FTO: variants seen among roughly 807,000 people sequenced by gnomAD.
The protein encoded by FTO is FTO alpha-ketoglutarate dependent dioxygenase.
Under a neutral mutation model 63.9 loss-of-function variants are expected in FTO, and 47 were observed. The ratio of observed to expected loss-of-function variants is 0.74; its 90% CI spans 0.58 to 0.94. The LOEUF (loss-of-function observed/expected upper bound fraction) is 0.94, where lower values mean the gene tolerates loss of function less well. FTO is among the 40% of genes least tolerant of loss of function. The pLI, the probability that FTO is intolerant of heterozygous loss-of-function variation, is 0.00. For missense variants in FTO, 562 were observed against 618.1 expected, an observed-to-expected ratio of 0.91 and a Z score of 0.96; for synonymous variants, 207 against 224.4, an observed-to-expected ratio of 0.92 and a Z score of 0.69.
intron 1 of FTO, 95 bp downstream of exon 1, chr16:53,704,324 G>A (rs970612963): frequency 2.4e-6 from 3 of 1,237,518 alleles, no homozygotes; most frequent in Non-Finnish European, 2.3e-6. Flanking sequence ...CGGATGCGCG[G>A]TGTTAAACTA....
rs1567332084 is a variant in FTO, at chr16:53,825,913, C to A, written c.173C>A (p.Ser58Tyr). 1.2e-6 allele frequency: 2 copies of A among 1,614,156 alleles called. No individual in the cohort carries two copies. Among genetic ancestry groups the A allele is most frequent in the African/African-American group, 1.3e-5 (1 of 75,052 alleles). Reference sequence around the variant, plus strand: ...ATTCTCCGAGAAGCCAGCAGTGTATCTGAGGAGCTCCATAAAGAGGTTCAA... The same window carrying A: ...ATTCTCCGAGAAGCCAGCAGTGTATATGAGGAGCTCCATAAAGAGGTTCAA... ...KLILREASSV[S>Y]EELHKEVQEA... The change falls in exon 3 of 9, where the codon TCT (serine) becomes TAT (tyrosine). Residue 58 changes from serine to tyrosine, a missense_variant. Transcript: ENST00000471389.
chr16:54,028,327 CT>C (rs1345545501), intron 8 of FTO, among the ~76,000 whole-genome samples: 58 of 152,182 alleles, frequency 3.8e-4, no homozygotes, highest in Admixed American at 2.6e-4. Context: ...CTGTTTCTCA[CT>C]CTCCAGGATC....
At chr16:54,012,694 C>T (rs1161753184) in intron 8 of FTO, among the ~76,000 whole-genome samples, 3 of 152,138 alleles carry the variant, frequency 2.0e-5, no homozygotes, top group African/African-American at 7.2e-5. Flanking sequence ...TCTGAAAATC[C>T]TAGGGCACTT....
At chr16:53,871,089 A>T (rs1271242456) in intron 4 of FTO, among the ~76,000 whole-genome samples, 2 of 151,854 alleles carry the variant, frequency 1.3e-5, no homozygotes, top group Non-Finnish European at 1.5e-5. Context: ...TAACCTTTCC[A>T]CTTTATTACT....
intron 1 of FTO, among the ~76,000 whole-genome samples, chr16:53,795,326 A>G (rs1353852168): frequency 6.6e-6 from 1 of 152,204 alleles, no homozygotes; most frequent in Admixed American, 6.5e-5. Flanking sequence ...GGATAGATGG[A>G]GTTCCAACAT....
intron 4 of FTO, among the ~76,000 whole-genome samples, chr16:53,848,870 A>G (rs1474161989): frequency 6.6e-6 from 1 of 152,046 alleles, no homozygotes; most frequent in Non-Finnish European, 1.5e-5. Flanking sequence ...TCCTCCCTTA[A>G]TTTGTTATTG....
intron 1 of FTO, among the ~76,000 whole-genome samples, chr16:53,809,351 AAGATGAAT>A (rs2078459256): frequency 6.6e-6 from 1 of 152,238 alleles, no homozygotes; most frequent in South Asian, 2.1e-4. Flanking sequence ...AAATGTTTAC[AAGATGAAT>A]AACTCTTCCA....
At chr16:53,719,516 G>A (rs879090472) in intron 1 of FTO, among the ~76,000 whole-genome samples, 1 of 151,634 alleles carries the variant, frequency 6.6e-6, no homozygotes, top group African/African-American at 2.4e-5. Context: ...GGGTAGAATT[G>A]TGTATAGTTT....
intron 1 of FTO, among the ~76,000 whole-genome samples, chr16:53,765,792 G>A (rs1272748132): frequency 1.3e-5 from 2 of 152,094 alleles, no homozygotes; most frequent in Non-Finnish European, 2.9e-5. Context: ...GAGGTGGTCA[G>A]TGGCCAGAAC....
intron 1 of FTO, among the ~76,000 whole-genome samples, chr16:53,800,006 A>G (rs2078176544): frequency 6.6e-6 from 1 of 150,590 alleles, no homozygotes. Flanking sequence ...TTTCTATTTC[A>G]TTGATTTCTG....
intron 1 of FTO, among the ~76,000 whole-genome samples, chr16:53,759,683 G>A (rs1370089639): frequency 1.4e-5 from 1 of 69,652 alleles, no homozygotes; most frequent in Non-Finnish European, 2.5e-5. Context: ...GACCGAAAAA[G>A]ACTCCTTCTC....
chr16:53,721,923 G>A (rs539747145), intron 1 of FTO, among the ~76,000 whole-genome samples: 1 of 152,172 alleles, frequency 6.6e-6, no homozygotes, highest in South Asian at 2.1e-4. Flanking sequence ...TGCTTTTAAA[G>A]ATTACTGGGA....
chr16:54,054,938 C>T (rs2085396656), intron 8 of FTO, among the ~76,000 whole-genome samples: 1 of 152,184 alleles, frequency 6.6e-6, no homozygotes, highest in Non-Finnish European at 1.5e-5. Context: ...TACAAGAGCT[C>T]ATTCTCTTTC....
intron 1 of FTO, 115 bp from the exon 2 acceptor site, chr16:53,810,025 T>G: frequency 1.5e-6 from 1 of 674,938 alleles, no homozygotes; most frequent in Non-Finnish European, 2.7e-6. Flanking sequence ...CTCTAAAAGA[T>G]TATAAATTCA....
chr16:53,858,467 A>G (rs2080072423), intron 4 of FTO, among the ~76,000 whole-genome samples: 1 of 152,138 alleles, frequency 6.6e-6, no homozygotes, highest in Non-Finnish European at 1.5e-5. Context: ...CCCAAAATAA[A>G]ATTTTTCCAT....
intron 1 of FTO, among the ~76,000 whole-genome samples, chr16:53,724,649 T>G (rs1190747382): frequency 1.3e-5 from 2 of 152,202 alleles, no homozygotes; most frequent in Non-Finnish European, 2.9e-5. Flanking sequence ...CCTGCCTTTT[T>G]TGGCCAATTG....
intron 8 of FTO, chr16:53,999,620 A>AC (rs1176459683): frequency 6.6e-6 from 1 of 152,104 alleles, no homozygotes; most frequent in Non-Finnish European, 1.5e-5. Flanking sequence ...GTTATTAAAG[A>AC]CCCCATGGAA....
At chr16:53,856,681 C>G (rs188612685) in intron 4 of FTO, among the ~76,000 whole-genome samples, 6 of 84,734 alleles carry the variant, frequency 7.1e-5, no homozygotes, top group Non-Finnish European at 1.2e-4. Context: ...ACCCAGGAGG[C>G]AGAGGTTGCA....
chr16:53,868,499 CTT>C (rs947462329), intron 4 of FTO, among the ~76,000 whole-genome samples: 1 of 151,976 alleles, frequency 6.6e-6, no homozygotes, highest in Non-Finnish European at 1.5e-5. Flanking sequence ...TCTCTCATCT[CTT>C]ATACTCATTG....
Sources: gnomAD v4.1 joint callset for allele counts (sites outside exome capture counted in the v4.1 genomes callset) on GRCh38, gnomAD v4.1.1 for gene constraint, MANE v1.5 for transcripts, NCBI Gene and HGNC (gene_info 2026-07-23, HGNC 2026-07-21) for gene names.